CAMKK2: variants seen among roughly 807,000 people sequenced by gnomAD.
CAMKK2 encodes calcium/calmodulin-dependent protein kinase kinase 2.
In CAMKK2, 30 loss-of-function variants were observed where a neutral mutation model predicts 67.2. The ratio of observed to expected loss-of-function variants is 0.45; its 90% CI spans 0.33 to 0.61. The LOEUF (loss-of-function observed/expected upper bound fraction) is 0.61, where lower values mean the gene tolerates loss of function less well. CAMKK2 is among the 20% of genes least tolerant of loss of function. The pLI is 0.02. For missense variants in CAMKK2, 643 were observed against 802.0 expected (o/e 0.80, Z 2.39); for synonymous variants, 322 against 326.2 (o/e 0.99, Z 0.14).
Position 121,289,523 on chromosome 12 carries a change from G to A in CAMKK2, c.-60+7115C>T, listed in dbSNP as rs368196507. 9.2e-5 allele frequency among the ~76,000 whole-genome samples: 14 copies of A among 152,194 alleles called. No individual in the cohort carries two copies. In the East Asian group the frequency reaches 1.7e-3, roughly 19 times the overall value. Reference sequence around the variant, plus strand: ...TATTTCTCAGAGCCCAAAACTATTCGGAAATGCTTTCCATCCCATAACCTG... The same window carrying A: ...TATTTCTCAGAGCCCAAAACTATTCAGAAATGCTTTCCATCCCATAACCTG... On this transcript the variant is annotated intron_variant, in intron 1 of 16. Transcript: ENST00000404169.
chr12:121,249,938 G>A lies in CAMKK2; in HGVS notation c.1235+23C>T, dbSNP rs760035196. 12 of 1,613,388 alleles carry A rather than the reference G, an allele frequency of 7.4e-6. No individual in the cohort carries two copies. The South Asian group carries it at 1.2e-4, about 16-fold the overall frequency. ...CGCCAAGAACTCGGACAGGAGAGAT[G>A]CGGGACGGCGGGAGATACTCACTGG... On this transcript the variant is annotated intron_variant, in intron 12 of 16. Transcript: ENST00000404169.
chr12:121,246,231 T>C (rs1441621309), intron 14 of CAMKK2, among the ~76,000 whole-genome samples: 1 of 124,496 alleles, frequency 8.0e-6, no homozygotes, highest in African/African-American at 3.1e-5. Context: ...ATGTGAATTC[T>C]ACCTCAATTT....
intron 7 of CAMKK2, 138 bp downstream of exon 7, chr12:121,260,181 G>T (rs890212783): frequency 1.4e-6 from 1 of 693,670 alleles, no homozygotes. Flanking sequence ...TGTGGCCTCC[G>T]GTGGGGCCAG....
At position 121,253,493 on chromosome 12, in the gene CAMKK2, G is replaced by C. The variant is rs201800186; in HGVS notation, c.908-21C>G. 3.8e-5 allele frequency: 61 copies of C among 1,610,512 alleles called. No individual in the cohort carries two copies. The highest frequency in any genetic ancestry group is 4.9e-5 in the Non-Finnish European group (58 of 1,176,928). On this transcript the variant is annotated intron_variant, in intron 9 of 16. Transcript: ENST00000404169. The surrounding 1 kb of genome is among the most constrained non-coding windows in gnomAD (Gnocchi z 5.0). ...GTGTACTGGGGAGGCGTAGACAGCA[G>C]GTGGGAGATAGGGGCAGGAAAACCT...
At chr12:121,276,091 C>T (rs6489804) in intron 1 of CAMKK2, among the ~76,000 whole-genome samples, 64,856 of 145,834 alleles carry the variant, frequency 0.44, 14,922 homozygotes, top group African/African-American at 0.58. Context: ...ACCCGGGAGG[C>T]GGAGGTTGCA....
In CAMKK2 at chr12:121,285,942, C is replaced by T. The variant is rs188465014; in HGVS notation, c.-60+10696G>A. Among the ~76,000 whole-genome samples the T allele has an allele frequency of 6.6e-6, 1 of 152,226 alleles. No individual in the cohort carries two copies. The highest frequency in any genetic ancestry group is 1.5e-5 in the Non-Finnish European group (1 of 68,014). On this transcript the variant is annotated intron_variant, in intron 1 of 16. Coordinates refer to ENST00000404169, the MANE Select transcript of CAMKK2 (RefSeq NM_001270485.2). The surrounding 1 kb of genome is among the most constrained non-coding windows in gnomAD (Gnocchi z 4.1). The stretch of plus-strand genomic sequence containing the variant: ...TCAGAGGATATATTCCTAAAGCTAC[C>T]AGGGGCTGGAGAGAACCCTGCCTCA...
At position 121,240,898 on chromosome 12, in the gene CAMKK2, A is replaced by C; in HGVS notation, c.1597-29T>G. The C allele has an allele frequency of 6.2e-7, 1 of 1,608,928 alleles. No homozygotes were observed. Among genetic ancestry groups the C allele is most frequent in the Non-Finnish European group, 8.5e-7 (1 of 1,178,800 alleles). The stretch of plus-strand genomic sequence containing the variant: ...CTCACCGAACAGAAAACCAACATTA[A>C]GACTCTGAGAAATGCCAGCGAGGCC... On this transcript the variant is annotated intron_variant, in intron 16 of 16. Coordinates refer to ENST00000404169, the MANE Select transcript of CAMKK2 (RefSeq NM_001270485.2). The surrounding 1 kb of genome is among the most constrained non-coding windows in gnomAD (Gnocchi z 4.4).
chr12:121,278,320 T>C lies in CAMKK2; in HGVS notation c.-59-3735A>G, dbSNP rs150843015. On this transcript the variant is annotated intron_variant, in intron 1 of 16. Transcript: ENST00000404169. ...CCTGAAGTTCAACAGCTTAAGGTCA[T>C]TGACATCCTGTAAAGTTGGTGCCCA... 6.6e-5 allele frequency among the ~76,000 whole-genome samples: 10 copies of C among 152,370 alleles called. No individual in the cohort carries two copies. The East Asian group carries it at 1.5e-3, about 23-fold the overall frequency.
chr12:121,240,386 A>C lies in CAMKK2; in HGVS notation c.*313T>G. 6.8e-7 allele frequency: 1 copy of C among 1,474,422 alleles called. No homozygotes were observed. The highest frequency in any genetic ancestry group is 9.1e-7 in the Non-Finnish European group (1 of 1,100,016). The allele number at this position is 1,474,422 out of a possible 1,614,324, so 91.3% of individuals were successfully genotyped here. A position where few individuals can be genotyped will look rare whatever the true frequency, so the allele number is the denominator to read the frequency against. ...TGGTATATCTGACGTGGTTCTGAAA[A>C]TCACAATGAAGGATTTTTGGCATAA... On this transcript the variant is annotated 3_prime_UTR_variant, in exon 17 of 17. Transcript: ENST00000404169. The surrounding 1 kb of genome is among the most constrained non-coding windows in gnomAD (Gnocchi z 4.4).
At position 121,240,810 on chromosome 12, in the gene CAMKK2, T is replaced by A; in HGVS notation, c.1656A>T (p.Gly552=). The A allele has an allele frequency of 1.9e-6, 3 of 1,611,668 alleles. No individual in the cohort carries two copies. Among genetic ancestry groups the A allele is most frequent in the Non-Finnish European group, 2.5e-6 (3 of 1,179,586 alleles). ...AGGGACTGCCTCTCACAAGAGCACT[T>A]CCTCCTCCCCCACGGGGGGCGGGTC... is the stretch of plus-strand genomic sequence containing the variant. ...GHRPAPRGGG[G]SALVRGSPCV... is the part of the protein sequence containing the mutation. Residue 552 remains glycine, a synonymous_variant, in exon 17 of 17, where the codon GGA becomes GGT. Transcript: ENST00000404169. This position sits in a 1 kb window ranked among gnomAD's most constrained non-coding sequence, Gnocchi z 4.4.
chr12:121,276,898 G>A lies in CAMKK2; in HGVS notation c.-59-2313C>T, dbSNP rs1418668650. ...AGACTCCATCTCAAAAAAAAAGGGC[G>A]GGGTGGGGGGGGGGTCTCTCTAGAT... is the stretch of plus-strand genomic sequence containing the variant. On this transcript the variant is annotated intron_variant, in intron 1 of 16. Coordinates refer to ENST00000404169, the MANE Select transcript of CAMKK2 (RefSeq NM_001270485.2). Among the ~76,000 whole-genome samples, 14 of 108,524 alleles carry A rather than the reference G, an allele frequency of 1.3e-4. No homozygotes were observed. The South Asian group carries it at 3.9e-3, about 30-fold the overall frequency. 71.2% of individuals were successfully genotyped at this position (108,524 alleles called of 152,430 possible). A position where few individuals can be genotyped will look rare whatever the true frequency, so the allele number is the denominator to read the frequency against.
intron 1 of CAMKK2, among the ~76,000 whole-genome samples, chr12:121,290,141 C>G (rs1228100404): frequency 1.3e-5 from 2 of 152,196 alleles, no homozygotes; most frequent in Non-Finnish European, 2.9e-5. Flanking sequence ...CCTTTCTGTA[C>G]TCCGCTTCCC....
rs567776497 is a variant in CAMKK2, at chr12:121,248,691, G to A, written c.1367C>T (p.Ser456Leu). 4.0e-5 allele frequency: 65 copies of A among 1,614,204 alleles called. No individual in the cohort carries two copies. The highest frequency in any genetic ancestry group is 5.3e-5 in the Non-Finnish European group (62 of 1,180,020). The change falls in exon 14 of 17, where the codon TCG becomes TTG. Residue 456 changes from serine (S) to leucine (L), a missense_variant. Physicochemically the swap from Ser to Leu is moderately radical, Grantham distance 145 (BLOSUM62 -2). This residue lies in a region of CAMKK2 where 483 missense variants were observed against 625.8 expected (regional missense o/e 0.77). Coordinates refer to ENST00000404169, the MANE Select transcript of CAMKK2 (RefSeq NM_001270485.2). ...VTRHGAEPLPSEDENCTLVEV... is the reference protein window; with the variant it reads ...VTRHGAEPLPLEDENCTLVEV... ...GACCAGCGTGCAGTTCTCATCCTCC[G>A]ACGGCAACGGCTCCGCCCCATGCCT...
rs12299225 is a variant in CAMKK2, at chr12:121,285,300, C to T, written c.-59-10715G>A. ...GACAGATCACTTGAGGCCAGGAGTT[C>T]GAGACCAGCCTAGCCAACATGGTGA... On this transcript the variant is annotated intron_variant, in intron 1 of 16. Coordinates refer to ENST00000404169, the MANE Select transcript of CAMKK2 (RefSeq NM_001270485.2). This position sits in a 1 kb window ranked among gnomAD's most constrained non-coding sequence, Gnocchi z 4.1. Among the ~76,000 whole-genome samples the T allele has an allele frequency of 1.3e-5, 2 of 152,114 alleles. No homozygotes were observed. The highest frequency in any genetic ancestry group is 4.8e-5 in the African/African-American group (2 of 41,436).
At chr12:121,242,072 C>T (rs1356123686) in intron 16 of CAMKK2, among the ~76,000 whole-genome samples, 1 of 152,234 alleles carries the variant, frequency 6.6e-6, no homozygotes, top group Non-Finnish European at 1.5e-5. Context: ...TGGCTCATGC[C>T]TGTAATCCCA....
At chr12:121,248,224 G>C (rs1889895140) in intron 14 of CAMKK2, among the ~76,000 whole-genome samples, 1 of 152,338 alleles carries the variant, frequency 6.6e-6, no homozygotes, top group South Asian at 2.1e-4. Flanking sequence ...CCACACAGCA[G>C]ACGTGAGATA....
rs149343557 is a variant in CAMKK2 at position 121,253,396 on chromosome 12, G to A, written c.984C>T (p.Ile328=). 1.8e-5 allele frequency: 29 copies of A among 1,614,172 alleles called. 1 individual carries two copies. Among genetic ancestry groups the A allele is most frequent in the African/African-American group, 9.3e-5 (7 of 75,044 alleles). ...ATTCATTGCTCACACCAAAGTCAGCGATCTTGATGTGCCCATCTTCTCCGA... is the reference window on the plus strand; with the variant it reads ...ATTCATTGCTCACACCAAAGTCAGCAATCTTGATGTGCCCATCTTCTCCGA... ...LLVGEDGHIK[I]ADFGVSNEFK... is the part of the protein sequence containing the mutation. The change falls in exon 10 of 17, where the codon ATC becomes ATT. Residue 328 remains isoleucine, a synonymous_variant. Coordinates refer to ENST00000404169, the MANE Select transcript of CAMKK2 (RefSeq NM_001270485.2). This position sits in a 1 kb window ranked among gnomAD's most constrained non-coding sequence, Gnocchi z 5.0.
chr12:121,273,713 A>C (rs1040108012), intron 2 of CAMKK2, among the ~76,000 whole-genome samples: 11 of 151,204 alleles, frequency 7.3e-5, no homozygotes, highest in African/African-American at 2.4e-4. Context: ...GAGTATAAAT[A>C]CCCCAGCTCC....
rs189044327 is a variant in CAMKK2 at position 121,291,077 on chromosome 12, C to T, written c.-60+5561G>A. Among the ~76,000 whole-genome samples, 14 of 152,350 alleles carry T rather than the reference C, an allele frequency of 9.2e-5. No homozygotes were observed. In the East Asian group the frequency reaches 2.7e-3, roughly 29 times the overall value. On this transcript the variant is annotated intron_variant, in intron 1 of 16. Coordinates refer to ENST00000404169, the MANE Select transcript of CAMKK2 (RefSeq NM_001270485.2). ...TTAAGTGATCCACCCGCCTTGGCCT[C>T]CCAAAGTGCTGGGATTACAGGCGTA...
Sources: allele counts gnomAD v4.1 joint callset (sites outside exome capture counted in the v4.1 genomes callset), GRCh38; gene constraint gnomAD v4.1.1; regional missense constraint gnomAD v4.1.1; non-coding constraint Gnocchi (gnomAD v3.1); transcripts MANE v1.5; gene names NCBI Gene and HGNC (gene_info 2026-07-23, HGNC 2026-07-21).